The following YJU2B variants were observed in gnomAD, a reference collection of about 807,000 sequenced individuals.
The protein encoded by YJU2B is YJU2 splicing factor homolog B, also known as probable splicing factor YJU2B.
In YJU2B, 18 loss-of-function variants were observed where a neutral mutation model predicts 38.0. That is an observed-to-expected ratio of 0.47 (90% confidence interval 0.33 to 0.70). The LOEUF is 0.70. Ranked by LOEUF, YJU2B falls within the 30% of genes least tolerant of loss-of-function variation. The probability of loss-of-function intolerance (pLI) is 0.02; values close to 1 mark genes in which losing one functional copy is unlikely to be tolerated. For missense variants in YJU2B, 538 were observed against 556.3 expected, an observed-to-expected ratio of 0.97 and a Z score of 0.33; for synonymous variants, 246 against 225.4, an observed-to-expected ratio of 1.09 and a Z score of -0.82.
At chr19:13,755,668 G>A (rs1973638845) in intron 3 of YJU2B, among the ~76,000 whole-genome samples, 1 of 151,512 alleles carries the variant, frequency 6.6e-6, no homozygotes. Context: ...TCATAAATGG[G>A]AACAGGGCTG....
At chr19:13,743,102 C>G (rs1973135395), upstream of YJU2B, among the ~76,000 whole-genome samples, 1 of 149,758 alleles carries the variant, frequency 6.7e-6, no homozygotes, top group African/African-American at 2.6e-5. Context: ...AGAATCAGGG[C>G]AGCTCATGCT....
At chr19:13,736,549 C>T (rs1030666191) in intron 2 of YJU2B, among the ~76,000 whole-genome samples, 12 of 151,846 alleles carry the variant, frequency 7.9e-5, no homozygotes, top group Admixed American at 5.9e-4. Context: ...CATAAGCCAC[C>T]GTGCCCAGCC....
Position 13,755,091 on chromosome 19 carries a change from G to A in YJU2B, c.57+749G>A, listed in dbSNP as rs1162877808. Reference sequence around the variant, plus strand: ...AGGTGGGAGGATTGCTTGAGCCCAGGAGGTGGAGACTGCAGTGAGTCATAA... The same window carrying A: ...AGGTGGGAGGATTGCTTGAGCCCAGAAGGTGGAGACTGCAGTGAGTCATAA... On this transcript the variant is annotated intron_variant, in intron 3 of 9. Transcript: ENST00000221554. Among the ~76,000 whole-genome samples the A allele has an allele frequency of 2.0e-5, 3 of 151,572 alleles. No individual in the cohort carries two copies. The East Asian group carries it at 5.8e-4, about 29-fold the overall frequency.
intron 5 of YJU2B, 34 bp from the exon 6 acceptor site, chr19:13,757,752 A>T (rs925797648): frequency 6.2e-7 from 1 of 1,610,708 alleles, no homozygotes; most frequent in South Asian, 1.1e-5. Flanking sequence ...TCAGATGGCA[A>T]TGAAATTACC....
intron 8 of YJU2B, among the ~76,000 whole-genome samples, chr19:13,761,726 A>T (rs1195770659): frequency 3.3e-4 from 46 of 139,160 alleles, no homozygotes; most frequent in African/African-American, 9.2e-4. Context: ...ACAAAAAAAA[A>T]TTTTTTTTTT....
chr19:13,733,595 C>T (rs1266632260), intron 2 of YJU2B, among the ~76,000 whole-genome samples: 1 of 152,110 alleles, frequency 6.6e-6, no homozygotes, highest in Non-Finnish European at 1.5e-5. Context: ...GTGGCACATG[C>T]CTCTAATCCC....
chr19:13,738,674 G>A (rs1174164838), intron 2 of YJU2B, among the ~76,000 whole-genome samples: 1 of 152,016 alleles, frequency 6.6e-6, no homozygotes, highest in African/African-American at 2.4e-5. Context: ...GGCAGATCAC[G>A]AGGTCAGGAG....
intron 2 of YJU2B, among the ~76,000 whole-genome samples, chr19:13,736,981 C>T (rs1007923102): frequency 1.6e-4 from 24 of 148,206 alleles, no homozygotes; most frequent in African/African-American, 5.3e-4. Flanking sequence ...GAGCTGAGAT[C>T]GTGCCACTGT....
At chr19:13,740,244 GCT>G (rs1443876635) in intron 2 of YJU2B, among the ~76,000 whole-genome samples, 3 of 152,116 alleles carry the variant, frequency 2.0e-5, no homozygotes, top group Non-Finnish European at 4.4e-5. Flanking sequence ...ACAGAATCTT[GCT>G]CTGTCACCCA....
chr19:13,757,923 C>G lies in YJU2B; in HGVS notation c.257+77C>G, dbSNP rs186051159. ...AGGGGGCTACAAAGAGCCTGAGTTG[C>G]GGGGGGAACCCATTCCCTGCAGGAC... is the stretch of plus-strand genomic sequence containing the variant. On this transcript the variant is annotated intron_variant, in intron 6 of 9. Coordinates refer to ENST00000221554, the MANE Select transcript of YJU2B (RefSeq NM_030818.4). The G allele has an allele frequency of 3.1e-4, 400 of 1,280,144 alleles. 1 individual carries two copies. The African/African-American group carries it at 5.2e-3, about 17-fold the overall frequency. The allele number at this position is 1,280,144 out of a possible 1,614,324, so 79.3% of individuals were successfully genotyped here.
At chr19:13,740,066 A>T (rs572544016) in intron 2 of YJU2B, among the ~76,000 whole-genome samples, 4 of 152,266 alleles carry the variant, frequency 2.6e-5, no homozygotes, top group East Asian at 3.9e-4. Context: ...CCAAATGCCC[A>T]CCAATGCTAT....
chr19:13,753,378 C>T (rs1239595976), intron 2 of YJU2B, among the ~76,000 whole-genome samples: 1 of 152,032 alleles, frequency 6.6e-6, no homozygotes, highest in Non-Finnish European at 1.5e-5. Context: ...TCAAGACCAG[C>T]CTGGCCAATA....
chr19:13,762,198 G>A (rs868682231), intron 8 of YJU2B, 101 bp from the exon 9 acceptor site: 2 of 1,359,008 alleles, frequency 1.5e-6, no homozygotes, highest in Non-Finnish European at 2.0e-6. Flanking sequence ...GTCTCAAAAA[G>A]AGTAAATGAG....
At chr19:13,741,008 T>C (rs1020719310) in intron 2 of YJU2B, among the ~76,000 whole-genome samples, 2 of 152,194 alleles carry the variant, frequency 1.3e-5, no homozygotes, top group African/African-American at 4.8e-5. Context: ...AATAAATGTT[T>C]TAGGCCTCTA....
At position 13,757,309 on chromosome 19, in the gene YJU2B, G is replaced by T. The variant is rs1037500413; in HGVS notation, c.141-109G>T. On this transcript the variant is annotated intron_variant, in intron 4 of 9. Coordinates refer to ENST00000221554, the MANE Select transcript of YJU2B (RefSeq NM_030818.4). The stretch of plus-strand genomic sequence containing the variant: ...TGCAGCAACTCCCGTTAACAGGGCA[G>T]TCTAATACCCCACCCCTCAAATCAC... 4.9e-6 allele frequency: 4 copies of T among 809,476 alleles called. No homozygotes were observed. The African/African-American group carries it at 5.3e-5, about 11-fold the overall frequency. 50.1% of individuals were successfully genotyped at this position (809,476 alleles called of 1,614,324 possible).
rs145164083 is a variant in YJU2B, at chr19:13,758,905, G to C, written c.295G>C (p.Glu99Gln). The C allele has an allele frequency of 2.5e-5, 40 of 1,613,782 alleles. No individual in the cohort carries two copies. The highest frequency in any genetic ancestry group is 3.3e-5 in the Admixed American group (2 of 59,902). The change falls in exon 7 of 10, where the codon GAG (glutamate) becomes CAG (glutamine). Residue 99 changes from glutamate to glutamine, a missense_variant. Around this residue, in one of 2 missense-constraint regions of YJU2B, gnomAD observed 488 missense variants for 469.5 expected, o/e 1.04. Coordinates refer to ENST00000221554, the MANE Select transcript of YJU2B (RefSeq NM_030818.4). ...ATGCCACCTCTGTGTCAACTACATC[G>C]AGATGCAGACGGACCCCGCCAACTG... ...MKCHLCVNYI[E>Q]MQTDPANCDY...
intron 2 of YJU2B, among the ~76,000 whole-genome samples, chr19:13,752,289 A>G (rs1273944330): frequency 1.3e-5 from 2 of 151,396 alleles, no homozygotes; most frequent in African/African-American, 4.9e-5. Context: ...TTTTTTAACA[A>G]GGTGAAATTC....
In YJU2B at chr19:13,737,256, C is replaced by T. The variant is rs186624849; in HGVS notation, c.-202+4971C>T. Among the ~76,000 whole-genome samples, 649 of 152,150 alleles carry T rather than the reference C, an allele frequency of 4.3e-3. 5 individuals carry two copies. The highest frequency in any genetic ancestry group is 0.015 in the African/African-American group (630 of 41,540). ...CACAGGCTGGTCTTGAACCCCTGGGCTCAAGGGATCCTCCCACTGCAGCCT... is the reference window on the plus strand; with the variant it reads ...CACAGGCTGGTCTTGAACCCCTGGGTTCAAGGGATCCTCCCACTGCAGCCT... On this transcript the variant is annotated intron_variant, in intron 2 of 10. Transcript: ENST00000586600.
At chr19:13,738,210 G>A (rs1227039086) in intron 2 of YJU2B, among the ~76,000 whole-genome samples, 3 of 152,074 alleles carry the variant, frequency 2.0e-5, no homozygotes, top group East Asian at 1.9e-4. Flanking sequence ...CCTCTTCATC[G>A]TGGCCTTGGG....
Sources: gnomAD v4.1 joint callset for allele counts (sites outside exome capture counted in the v4.1 genomes callset) on GRCh38, gnomAD v4.1.1 for gene constraint, gnomAD v4.1.1 regional missense constraint, MANE v1.5 for transcripts, NCBI Gene and HGNC (gene_info 2026-07-23, HGNC 2026-07-21) for gene names.